Variants in SORCS3 observed in about 807,000 individuals in gnomAD.
The protein encoded by SORCS3 is sortilin related VPS10 domain containing receptor 3, also known as VPS10 domain-containing receptor SorCS3.
Under a neutral mutation model 146.3 loss-of-function variants are expected in SORCS3, and 57 were observed. That is an observed-to-expected ratio of 0.39 (90% CI 0.31 to 0.49). The LOEUF is 0.49. Among genes scored for constraint, SORCS3 ranks in the 20% least tolerant of loss-of-function variants. The pLI is 0.92. For synonymous variants in SORCS3, 653 were observed against 618.5 expected, an observed-to-expected ratio of 1.06 and a Z score of -0.83; for missense variants, 1,341 against 1,575.5, an observed-to-expected ratio of 0.85 and a Z score of 2.52.
intron 5 of SORCS3, among the ~76,000 whole-genome samples, chr10:105,081,876 G>C (rs145543543): frequency 6.6e-6 from 1 of 152,238 alleles, no homozygotes; most frequent in African/African-American, 2.4e-5. Flanking sequence ...TCAGGAAGGC[G>C]AACAATCTAC....
chr10:105,202,100 G>A (rs906132973), intron 16 of SORCS3, among the ~76,000 whole-genome samples: 3 of 151,916 alleles, frequency 2.0e-5, no homozygotes, highest in Admixed American at 6.6e-5. Context: ...TCCAGGAATC[G>A]AACTCTCTCC....
In SORCS3 at chr10:105,052,015, G is replaced by T. The variant is rs61867220; in HGVS notation, c.1028+8887G>T. ...CTTAATGCTAAGACTAAAATGCAGT[G>T]TTCATATGGTGCACGTGGTAGTTAG... On this transcript the variant is annotated intron_variant, in intron 5 of 26. Coordinates refer to ENST00000369701, the MANE Select transcript of SORCS3 (RefSeq NM_014978.3). 2.8e-3 allele frequency among the ~76,000 whole-genome samples: 425 copies of T among 152,252 alleles called. 1 individual carries two copies. The highest frequency in any genetic ancestry group is 6.2e-3 in the Admixed American group (94 of 15,280).
intron 25 of SORCS3, among the ~76,000 whole-genome samples, chr10:105,260,004 C>G (rs1309085625): frequency 6.6e-6 from 1 of 152,132 alleles, no homozygotes; most frequent in Non-Finnish European, 1.5e-5. Flanking sequence ...AACAGTCCTA[C>G]AAGCGGATGT....
chr10:105,139,888 C>T (rs1170060833), intron 8 of SORCS3, among the ~76,000 whole-genome samples: 2 of 152,140 alleles, frequency 1.3e-5, no homozygotes, highest in Non-Finnish European at 2.9e-5. Flanking sequence ...GGTTTTATTG[C>T]TTCTTTCTAC....
rs1040375795 is a variant in SORCS3 at position 105,038,417 on chromosome 10, G to A, written c.955-4638G>A. On this transcript the variant is annotated intron_variant, in intron 4 of 26. Coordinates refer to ENST00000369701, the MANE Select transcript of SORCS3 (RefSeq NM_014978.3). ...TTTCTGGGACATTGTCCTATTTTTG[G>A]AAAATTCAATATTGCTTTATCTAAT... Among the ~76,000 whole-genome samples the A allele has an allele frequency of 2.6e-5, 4 of 152,128 alleles. No homozygotes were observed. The East Asian group carries it at 7.7e-4, about 29-fold the overall frequency.
intron 3 of SORCS3, among the ~76,000 whole-genome samples, chr10:104,923,267 C>A (rs2019106217): frequency 6.6e-6 from 1 of 152,088 alleles, no homozygotes; most frequent in Non-Finnish European, 1.5e-5. Flanking sequence ...ATTGGATAGC[C>A]AGTTGGGAAG....
Position 104,641,436 on chromosome 10 carries a change from T to G in SORCS3, c.109T>G (p.Trp37Gly). The change falls in exon 1 of 27, where the codon TGG becomes GGG. Residue 37 changes from tryptophan (W) to glycine (G), a missense_variant. Physicochemically the swap from Trp to Gly is radical, Grantham distance 184. Transcript: ENST00000369701. This position sits in a 1 kb window ranked among gnomAD's most constrained non-coding sequence, Gnocchi z 6.4. ...GGTCCTGGCCGGCGCCGAGATCACT[T>G]GGGACGCGACAGGCGGTCCCGGACG... ...TWVLAGAEIT[W>G]DATGGPGRPA... 1 of 1,471,154 alleles carries G rather than the reference T, an allele frequency of 6.8e-7. No individual in the cohort carries two copies. The highest frequency in any genetic ancestry group is 8.9e-7 in the Non-Finnish European group (1 of 1,118,302). 91.1% of individuals were successfully genotyped at this position (1,471,154 alleles called of 1,614,324 possible). A position where few individuals can be genotyped will look rare whatever the true frequency, so the allele number is the denominator to read the frequency against.
chr10:105,200,926 C>T (rs1338618821), intron 15 of SORCS3, among the ~76,000 whole-genome samples, 194 bp from the exon 16 acceptor site: 1 of 152,108 alleles, frequency 6.6e-6, no homozygotes, highest in Non-Finnish European at 1.5e-5. Context: ...GCCCACCTTC[C>T]ATAATGTTCC....
intron 4 of SORCS3, among the ~76,000 whole-genome samples, chr10:105,007,798 G>A (rs771693167): frequency 2.0e-5 from 3 of 152,162 alleles, no homozygotes; most frequent in Non-Finnish European, 2.9e-5. Context: ...GGCATAAAAT[G>A]ATGAGTAACC....
intron 6 of SORCS3, among the ~76,000 whole-genome samples, chr10:105,103,365 A>T (rs1202090539): frequency 6.6e-6 from 1 of 152,190 alleles, no homozygotes; most frequent in Admixed American, 6.5e-5. Flanking sequence ...ATACAAAGTT[A>T]TTCAGGCCAT....
In SORCS3 at chr10:105,264,943, ATTC is replaced by A. The variant is rs1436249387; in HGVS notation, c.*1575_*1577del. On this transcript the variant is annotated 3_prime_UTR_variant, in exon 27 of 27. Transcript: ENST00000369701. ...TTAATTTTTGTGGGATGTTGTTCCC[ATTC>A]TTCTTTGTGAGACAGAGAGAATGTG... 2 of 152,624 alleles carry A rather than the reference ATTC, an allele frequency of 1.3e-5. No homozygotes were observed. The highest frequency in any genetic ancestry group is 2.9e-5 in the Non-Finnish European group (2 of 68,040). The allele number at this position is 152,624 out of a possible 1,614,324, so 9.5% of individuals were successfully genotyped here.
intron 2 of SORCS3, among the ~76,000 whole-genome samples, chr10:104,910,647 C>T (rs1035531124): frequency 2.0e-5 from 3 of 152,318 alleles, no homozygotes; most frequent in African/African-American, 7.2e-5. Context: ...GTTGTTTATG[C>T]ACACAAACAC....
At chr10:104,695,586 CT>C (rs1406022483) in intron 1 of SORCS3, among the ~76,000 whole-genome samples, 1 of 151,950 alleles carries the variant, frequency 6.6e-6, no homozygotes, top group Non-Finnish European at 1.5e-5. Flanking sequence ...GGTAACCACC[CT>C]CACAAGTTTA....
At chr10:104,906,113 C>T (rs1001772007) in intron 2 of SORCS3, among the ~76,000 whole-genome samples, 2 of 152,028 alleles carry the variant, frequency 1.3e-5, no homozygotes, top group Non-Finnish European at 2.9e-5. Flanking sequence ...CACAGGGCCC[C>T]GACTGGCTCT....
rs190711963 is a variant in SORCS3, at chr10:105,083,313, T to G, written c.1029-6462T>G. ...GATGCTTGAAAATTCATCTTTACTC[T>G]TTTGCAGACATTAAGCACAGGGAGC... On this transcript the variant is annotated intron_variant, in intron 5 of 26. Transcript: ENST00000369701. Among the ~76,000 whole-genome samples the G allele has an allele frequency of 7.1e-4, 108 of 152,242 alleles. 1 individual carries two copies. The highest frequency in any genetic ancestry group is 7.4e-4 in the Non-Finnish European group (50 of 68,014).
In SORCS3 at chr10:104,731,381, T is replaced by G. The variant is rs1014114992; in HGVS notation, c.627+89427T>G. Among the ~76,000 whole-genome samples, 99 of 152,194 alleles carry G rather than the reference T, an allele frequency of 6.5e-4. 4 individuals carry two copies. Among genetic ancestry groups the G allele is most frequent in the Non-Finnish European group, 8.8e-5 (6 of 68,048 alleles). On this transcript the variant is annotated intron_variant, in intron 1 of 26. Transcript: ENST00000369701. ...TGATGTGTCTTCTTAATCTGCATCT[T>G]CATTTACTGAGTCATGTTCCTTCTG...
intron 6 of SORCS3, among the ~76,000 whole-genome samples, chr10:105,091,825 G>T (rs1291993707): frequency 1.3e-5 from 2 of 152,150 alleles, no homozygotes; most frequent in African/African-American, 4.8e-5. Context: ...GAGCATAGAA[G>T]GACAGGAGGA....
At chr10:104,806,711 TA>T (rs2017683058) in intron 1 of SORCS3, among the ~76,000 whole-genome samples, 1 of 152,206 alleles carries the variant, frequency 6.6e-6, no homozygotes, top group Non-Finnish European at 1.5e-5. Flanking sequence ...AAAAGTAGTT[TA>T]AAATGGTATA....
intron 1 of SORCS3, among the ~76,000 whole-genome samples, chr10:104,680,642 AG>A (rs1254891558): frequency 6.6e-6 from 1 of 152,226 alleles, no homozygotes. Context: ...GATTGTTGTG[AG>A]GGCTAAACTA....
Sources: gnomAD v4.1 joint callset for allele counts (sites outside exome capture counted in the v4.1 genomes callset) on GRCh38, gnomAD v4.1.1 for gene constraint, Gnocchi (gnomAD v3.1) non-coding constraint, MANE v1.5 for transcripts, NCBI Gene and HGNC (gene_info 2026-07-23, HGNC 2026-07-21) for gene names.